PREX2: variants seen among roughly 807,000 people sequenced by gnomAD.
PREX2 encodes phosphatidylinositol 3,4,5-trisphosphate-dependent Rac exchanger 2 protein.
In PREX2, 107 loss-of-function variants were observed where a neutral mutation model predicts 203.2. The observed-to-expected ratio is 0.53, with a 90% CI of 0.45 to 0.62. The LOEUF (loss-of-function observed/expected upper bound fraction) is 0.62. Among genes scored for constraint, PREX2 ranks in the 20% least tolerant of loss-of-function variants. The probability of loss-of-function intolerance (pLI) is 0.00; values close to 1 mark genes in which losing one functional copy is unlikely to be tolerated. For missense variants in PREX2, 1,777 were observed against 1,955.9 expected, an observed-to-expected ratio of 0.91 and a Z score of 1.72; for synonymous variants, 672 against 663.6, an observed-to-expected ratio of 1.01 and a Z score of -0.19.
At chr8:68,070,241 T>G (rs1809157949) in intron 13 of PREX2, among the ~76,000 whole-genome samples, 1 of 151,858 alleles carries the variant, frequency 6.6e-6, no homozygotes, top group South Asian at 2.1e-4. Flanking sequence ...ACTTGTATAT[T>G]AACTTTCTAC....
intron 35 of PREX2, among the ~76,000 whole-genome samples, chr8:68,160,613 A>T (rs896802336): frequency 6.6e-6 from 1 of 152,162 alleles, no homozygotes; most frequent in Non-Finnish European, 1.5e-5. Flanking sequence ...ACTTTGGGAA[A>T]CACAGTTTTA....
At chr8:67,968,707 A>G (rs1460282054) in intron 1 of PREX2, among the ~76,000 whole-genome samples, 2 of 152,138 alleles carry the variant, frequency 1.3e-5, no homozygotes, top group East Asian at 1.9e-4. Context: ...CTTTTGTGCT[A>G]TTTGTGACCT....
chr8:67,973,662 G>A (rs539044230), intron 1 of PREX2, among the ~76,000 whole-genome samples: 18 of 152,188 alleles, frequency 1.2e-4, no homozygotes, highest in East Asian at 3.9e-4. Context: ...TGTTGGTAAC[G>A]CATATCTTAG....
chr8:68,062,731 T>G (rs1410983003), intron 11 of PREX2, among the ~76,000 whole-genome samples: 1 of 148,088 alleles, frequency 6.8e-6, no homozygotes, highest in Non-Finnish European at 1.5e-5. Flanking sequence ...TGTCCTGTGA[T>G]TCCAATGTCC....
intron 2 of PREX2, among the ~76,000 whole-genome samples, chr8:68,018,591 A>G (rs1346009970): frequency 1.3e-5 from 2 of 152,298 alleles, no homozygotes; most frequent in African/African-American, 4.8e-5. Context: ...GGTGTGGGCA[A>G]ACGTGACTTC....
intron 1 of PREX2, among the ~76,000 whole-genome samples, chr8:68,012,971 A>T (rs1173700636): frequency 6.6e-6 from 1 of 152,216 alleles, no homozygotes; most frequent in Non-Finnish European, 1.5e-5. Context: ...CCTATATTCC[A>T]AGTTGCTAAT....
intron 25 of PREX2, among the ~76,000 whole-genome samples, chr8:68,115,025 T>TC (rs1327134815): frequency 7.4e-6 from 1 of 135,080 alleles, no homozygotes; most frequent in Non-Finnish European, 1.6e-5. Flanking sequence ...TTCTTTCTTT[T>TC]TTTTTTTTTT....
intron 35 of PREX2, among the ~76,000 whole-genome samples, chr8:68,175,120 AG>A (rs1811953231): frequency 6.6e-6 from 1 of 152,182 alleles, no homozygotes; most frequent in African/African-American, 2.4e-5. Context: ...ACAGAACAGG[AG>A]CATTTAGGAA....
At chr8:68,173,587 C>T (rs1811921455) in intron 35 of PREX2, among the ~76,000 whole-genome samples, 1 of 152,086 alleles carries the variant, frequency 6.6e-6, no homozygotes, top group South Asian at 2.1e-4. Context: ...GTAATTATAA[C>T]TAATATCTAT....
chr8:68,077,605 G>C (rs949907160), intron 15 of PREX2, 136 bp downstream of exon 15: 6 of 704,876 alleles, frequency 8.5e-6, no homozygotes, highest in East Asian at 2.6e-5. Flanking sequence ...CATGGGTTCA[G>C]GTTGGGTCAC....
rs756479784 is a variant in PREX2 at position 68,213,215 on chromosome 8, T to C, written c.4605-4401T>C. Among the ~76,000 whole-genome samples, 17 of 152,326 alleles carry C rather than the reference T, an allele frequency of 1.1e-4. No homozygotes were observed. In the South Asian group the frequency reaches 2.3e-3, roughly 20 times the overall value. Reference sequence around the variant, plus strand: ...ACTTTCTTTAGCTCAGTTTCAAAAATAACCACAGCGAATTGAACGCTACCC... The same window carrying C: ...ACTTTCTTTAGCTCAGTTTCAAAAACAACCACAGCGAATTGAACGCTACCC... On this transcript the variant is annotated intron_variant, in intron 37 of 39. Transcript: ENST00000288368.
chr8:68,105,021 TC>T, intron 23 of PREX2: 1 of 701,690 alleles, frequency 1.4e-6, no homozygotes, highest in Non-Finnish European at 2.2e-6. Flanking sequence ...GTTCAGTGTT[TC>T]CTTTGATGTT....
intron 25 of PREX2, among the ~76,000 whole-genome samples, chr8:68,112,359 A>C (rs1450562946): frequency 6.6e-6 from 1 of 152,194 alleles, no homozygotes. Context: ...GTATTCTCAC[A>C]GGGAGGAAAG....
At chr8:68,031,639 G>T (rs1199752974) in intron 6 of PREX2, among the ~76,000 whole-genome samples, 1 of 152,140 alleles carries the variant, frequency 6.6e-6, no homozygotes, top group Non-Finnish European at 1.5e-5. Flanking sequence ...GCTAACTGGG[G>T]TTGACCTAGC....
intron 1 of PREX2, among the ~76,000 whole-genome samples, chr8:68,001,879 GGAGCT>G (rs2129609754): frequency 6.6e-6 from 1 of 152,284 alleles, no homozygotes; most frequent in African/African-American, 2.4e-5. Context: ...CTTACAAGTG[GGAGCT>G]AAATGATGAG....
chr8:68,077,429 A>T lies in PREX2; in HGVS notation c.1602A>T (p.Ile534=). Residue 534 remains isoleucine, a synonymous_variant, in exon 15 of 40, where the codon ATA becomes ATT. Coordinates refer to ENST00000288368, the MANE Select transcript of PREX2 (RefSeq NM_024870.4). The part of the protein sequence containing the change: ...GDCRTREEAM[I]FGVGLCDNGF... ...GCCGCACCAGAGAAGAGGCAATGAT[A>T]TTTGGCGTTGGACTCTGTGACAATG... 2.5e-6 allele frequency: 4 copies of T among 1,613,828 alleles called. No homozygotes were observed. The South Asian group carries it at 4.4e-5, about 18-fold the overall frequency.
intron 38 of PREX2, among the ~76,000 whole-genome samples, 173 bp downstream of exon 38, chr8:68,217,891 G>GGCACCAT (rs1812874791): frequency 6.8e-6 from 1 of 146,386 alleles, no homozygotes; most frequent in South Asian, 2.3e-4. Flanking sequence ...GCAGGCACCA[G>GGCACCAT]TCTGAGGTTC....
At chr8:68,106,830 A>G (rs936628795) in intron 23 of PREX2, among the ~76,000 whole-genome samples, 8 of 152,190 alleles carry the variant, frequency 5.3e-5, no homozygotes, top group African/African-American at 1.9e-4. Context: ...GGGAGAAGAG[A>G]ATATAGACAT....
At chr8:67,994,557 C>T (rs1304706721) in intron 1 of PREX2, among the ~76,000 whole-genome samples, 1 of 151,946 alleles carries the variant, frequency 6.6e-6, no homozygotes, top group African/African-American at 2.4e-5. Context: ...TAATAATAAA[C>T]AATTGTTGGA....
Sources: allele counts gnomAD v4.1 joint callset (sites outside exome capture counted in the v4.1 genomes callset), GRCh38; gene constraint gnomAD v4.1.1; transcripts MANE v1.5; gene names NCBI Gene and HGNC (gene_info 2026-07-23, HGNC 2026-07-21).